DNER: variants seen among roughly 807,000 people sequenced by gnomAD.
The protein encoded by DNER is delta/notch like EGF repeat containing.
DNER carries 33 observed loss-of-function variants against 78.2 expected under a neutral mutation model. That is an observed-to-expected ratio of 0.42 (90% confidence interval 0.32 to 0.56). The LOEUF is 0.56. DNER is among the 20% of genes least tolerant of loss of function. The pLI is 0.11. For missense variants in DNER, 918 were observed against 975.3 expected (o/e 0.94, Z 0.78); for synonymous variants, 417 against 384.8 (o/e 1.08, Z -0.98).
chr2:229,616,696 A>G (rs903360357), intron 1 of DNER, among the ~76,000 whole-genome samples: 1 of 152,182 alleles, frequency 6.6e-6, no homozygotes, highest in Non-Finnish European at 1.5e-5. Flanking sequence ...GCTGTCTCAG[A>G]TCTAGATCAT....
At chr2:229,529,917 G>A (rs1463254214) in intron 5 of DNER, among the ~76,000 whole-genome samples, 1 of 152,146 alleles carries the variant, frequency 6.6e-6, no homozygotes, top group Admixed American at 6.5e-5. Flanking sequence ...ACTGAGGCGG[G>A]AGGATTGGTT....
At chr2:229,451,406 G>A (rs866870205) in intron 7 of DNER, among the ~76,000 whole-genome samples, 32 of 152,192 alleles carry the variant, frequency 2.1e-4, no homozygotes, top group African/African-American at 6.3e-4. Flanking sequence ...GCAGTGAGCC[G>A]AGATAGTGCC....
chr2:229,592,207 C>G (rs1342145448), intron 1 of DNER, among the ~76,000 whole-genome samples: 1 of 152,180 alleles, frequency 6.6e-6, no homozygotes, highest in Admixed American at 6.5e-5. Flanking sequence ...ATAGTTAAAA[C>G]TCATTAGGAA....
rs139308710 is a variant in DNER at position 229,625,270 on chromosome 2, G to A, written c.277-33382C>T. Among the ~76,000 whole-genome samples, 790 of 152,260 alleles carry A rather than the reference G, an allele frequency of 5.2e-3. 9 individuals are homozygous for A. The highest frequency in any genetic ancestry group is 0.017 in the African/African-American group (717 of 41,532). On this transcript the variant is annotated intron_variant, in intron 1 of 12. Transcript: ENST00000341772. ...CATGGAAAATCACCGGGGGCTGGGAGGGGTGGCAGGAGGAAGCTCTCCCTC... is the reference window on the plus strand; with the variant it reads ...CATGGAAAATCACCGGGGGCTGGGAAGGGTGGCAGGAGGAAGCTCTCCCTC...
At chr2:229,667,498 C>T (rs1411613701) in intron 1 of DNER, among the ~76,000 whole-genome samples, 1 of 152,130 alleles carries the variant, frequency 6.6e-6, no homozygotes, top group Non-Finnish European at 1.5e-5. Flanking sequence ...ATGACTATTA[C>T]ATAAATTGCC....
chr2:229,462,488 C>A lies in DNER; in HGVS notation c.1261+14652G>T, dbSNP rs549187558. ...TTTTTCTTCTCTGAACCCCCATATC[C>A]ATCCAATTAGTGGATCTTATAGACA... On this transcript the variant is annotated intron_variant, in intron 7 of 12. Transcript: ENST00000341772. Among the ~76,000 whole-genome samples the A allele has an allele frequency of 1.1e-4, 17 of 152,164 alleles. No individual in the cohort carries two copies. The South Asian group carries it at 2.7e-3, about 24-fold the overall frequency.
intron 1 of DNER, among the ~76,000 whole-genome samples, chr2:229,687,481 C>T (rs1271767829): frequency 6.6e-6 from 1 of 152,018 alleles, no homozygotes; most frequent in Non-Finnish European, 1.5e-5. Flanking sequence ...CCAGGCTGGT[C>T]TCGAACTCCT....
rs1255354332 is a variant in DNER at position 229,591,287 on chromosome 2, G to A, written c.585+293C>T. Among the ~76,000 whole-genome samples, 1 of 152,162 alleles carries A rather than the reference G, an allele frequency of 6.6e-6. No individual in the cohort carries two copies. ...TCAATGATGGAGGGTCCTATGACAT[G>A]TTCCTTTACATGACTACACTGAGCT... On this transcript the variant is annotated intron_variant, in intron 2 of 12. Transcript: ENST00000341772. The surrounding 1 kb of genome is among the most constrained non-coding windows in gnomAD (Gnocchi z 4.6).
At chr2:229,653,588 T>A (rs1417520865) in intron 1 of DNER, among the ~76,000 whole-genome samples, 1 of 152,198 alleles carries the variant, frequency 6.6e-6, no homozygotes, top group Non-Finnish European at 1.5e-5. Flanking sequence ...AACACCAATT[T>A]TTTTTTCTCC....
chr2:229,630,469 C>T (rs1361595557), intron 1 of DNER, among the ~76,000 whole-genome samples: 2 of 136,740 alleles, frequency 1.5e-5, no homozygotes, highest in Admixed American at 1.5e-4. Context: ...GAGTGAGAGA[C>T]TCCATCTCAA....
At chr2:229,617,174 A>C (rs1358418600) in intron 1 of DNER, among the ~76,000 whole-genome samples, 2 of 152,230 alleles carry the variant, frequency 1.3e-5, no homozygotes, top group Non-Finnish European at 2.9e-5. Flanking sequence ...ATGGTAACTA[A>C]AATAAGAAAA....
chr2:229,528,934 T>C (rs1696254538), intron 5 of DNER, among the ~76,000 whole-genome samples: 1 of 152,204 alleles, frequency 6.6e-6, no homozygotes, highest in Non-Finnish European at 1.5e-5. Context: ...TGGGAGATGC[T>C]TCCTACCAGG....
chr2:229,364,437 T>C (rs990414860), intron 12 of DNER, among the ~76,000 whole-genome samples: 1 of 152,152 alleles, frequency 6.6e-6, no homozygotes, highest in Non-Finnish European at 1.5e-5. Flanking sequence ...AAGAGTCAAA[T>C]AAACAATTAA....
At chr2:229,426,925 G>C (rs1693891326) in intron 8 of DNER, among the ~76,000 whole-genome samples, 1 of 152,204 alleles carries the variant, frequency 6.6e-6, no homozygotes, top group Non-Finnish European at 1.5e-5. Context: ...TCAATGCAGA[G>C]CATTCGTTGG....
intron 4 of DNER, among the ~76,000 whole-genome samples, chr2:229,566,479 T>C (rs553448097): frequency 6.6e-6 from 1 of 152,282 alleles, no homozygotes; most frequent in East Asian, 1.9e-4. Context: ...TGGTGCACCA[T>C]GATTTGAGAG....
intron 6 of DNER, among the ~76,000 whole-genome samples, chr2:229,502,239 T>A (rs1695635354): frequency 6.6e-6 from 1 of 152,102 alleles, no homozygotes; most frequent in Admixed American, 6.5e-5. Flanking sequence ...TCAGAAGAAC[T>A]CTCATCCAGG....
At chr2:229,509,180 A>G (rs1381687868) in intron 6 of DNER, among the ~76,000 whole-genome samples, 1 of 152,234 alleles carries the variant, frequency 6.6e-6, no homozygotes, top group Non-Finnish European at 1.5e-5. Flanking sequence ...ATCCTTTAAA[A>G]AAAGATGAAT....
intron 1 of DNER, among the ~76,000 whole-genome samples, chr2:229,603,640 C>T (rs370059661): frequency 3.9e-5 from 6 of 152,046 alleles, no homozygotes; most frequent in East Asian, 1.9e-4. Flanking sequence ...GAGGTGGGGA[C>T]GAGGAAGCTG....
intron 1 of DNER, among the ~76,000 whole-genome samples, chr2:229,629,153 G>A (rs1698394037): frequency 6.6e-6 from 1 of 152,154 alleles, no homozygotes; most frequent in Non-Finnish European, 1.5e-5. Context: ...TGTTTTCCAA[G>A]CTGCAAATTG....
Sources: allele counts gnomAD v4.1 joint callset (sites outside exome capture counted in the v4.1 genomes callset), GRCh38; gene constraint gnomAD v4.1.1; non-coding constraint Gnocchi (gnomAD v3.1); transcripts MANE v1.5; gene names NCBI Gene and HGNC (gene_info 2026-07-23, HGNC 2026-07-21).